The following C10orf53 variants were observed in gnomAD, a reference collection of about 807,000 sequenced individuals.
C10orf53 encodes the protein chromosome 10 open reading frame 53.
In C10orf53, 8 loss-of-function variants were observed where a neutral mutation model predicts 9.4. The ratio of observed to expected loss-of-function variants is 0.85; its 90% CI spans 0.50 to 1.53. The LOEUF is 1.53. Ranked by LOEUF, C10orf53 falls within the 40% of genes most tolerant of loss-of-function variation. The pLI is 0.00. For synonymous variants in C10orf53, 48 were observed against 46.0 expected, an observed-to-expected ratio of 1.04 and a Z score of -0.18; for missense variants, 117 against 117.8, an observed-to-expected ratio of 0.99 and a Z score of 0.03.
chr10:49,688,946 C>T (rs899272514), intron 1 of C10orf53, among the ~76,000 whole-genome samples: 2 of 152,176 alleles, frequency 1.3e-5, no homozygotes, highest in East Asian at 1.9e-4. Context: ...TACCTCAGCA[C>T]GCACTCACCT....
At chr10:49,697,556 A>C (rs142179599), downstream of C10orf53, among the ~76,000 whole-genome samples, 322 of 152,272 alleles carry the variant, frequency 2.1e-3, 1 homozygote, top group Non-Finnish European at 3.9e-3. Flanking sequence ...GCTGTGTCTT[A>C]ATTTTTTTTG....
chr10:49,708,771 C>A, exon 3 of C10orf53: 1 of 1,127,412 alleles, frequency 8.9e-7, no homozygotes, highest in East Asian at 2.5e-5. Context: ...CCACAGGCAA[C>A]CTGTGGCAAA....
At chr10:49,694,387 C>A in intron 2 of C10orf53, 151 bp from the exon 3 acceptor site, 1 of 1,081,644 alleles carries the variant, frequency 9.2e-7, no homozygotes, top group Non-Finnish European at 1.3e-6. Flanking sequence ...TAAAGCTTTG[C>A]AATCCACTAA....
At chr10:49,694,075 C>G in intron 2 of C10orf53, 182 bp downstream of exon 2, 1 of 775,994 alleles carries the variant, frequency 1.3e-6, no homozygotes, top group South Asian at 1.9e-5. Context: ...CAAAACCACA[C>G]AGTAAAGTGT....
intron 1 of C10orf53, among the ~76,000 whole-genome samples, chr10:49,682,805 G>C (rs1840492765): frequency 6.6e-6 from 1 of 152,166 alleles, no homozygotes; most frequent in Non-Finnish European, 1.5e-5. Flanking sequence ...CAGAAGCCCA[G>C]CTGGCTTCAC....
At chr10:49,680,605 G>C (rs552167255) in intron 1 of C10orf53, among the ~76,000 whole-genome samples, 1 of 152,346 alleles carries the variant, frequency 6.6e-6, no homozygotes, top group South Asian at 2.1e-4. Flanking sequence ...CCGCAGATAA[G>C]TTTTAGGCAG....
At chr10:49,686,719 G>C (rs1840532590) in intron 1 of C10orf53, among the ~76,000 whole-genome samples, 1 of 152,198 alleles carries the variant, frequency 6.6e-6, no homozygotes, top group African/African-American at 2.4e-5. Flanking sequence ...AGAAATTCCA[G>C]CCTGGTAAAT....
exon 3 of C10orf53, chr10:49,708,820 G>C: frequency 1.5e-6 from 1 of 689,034 alleles, no homozygotes; most frequent in Non-Finnish European, 2.4e-6. Context: ...CTCTACAACT[G>C]TATTCCCGTG....
At chr10:49,691,742 AG>A (rs1464780556) in intron 1 of C10orf53, among the ~76,000 whole-genome samples, 3 of 152,208 alleles carry the variant, frequency 2.0e-5, no homozygotes, top group African/African-American at 7.2e-5. Context: ...AGGCTCAGTC[AG>A]CAGGCCCTGC....
At chr10:49,699,388 A>T (rs1258322), downstream of C10orf53, among the ~76,000 whole-genome samples, 1 of 151,278 alleles carries the variant, frequency 6.6e-6, no homozygotes, top group South Asian at 2.1e-4. Context: ...TAGAGATGGC[A>T]TCTCCTATGT....
chr10:49,680,387 C>T (rs1195202592), intron 1 of C10orf53, among the ~76,000 whole-genome samples: 2 of 152,180 alleles, frequency 1.3e-5, no homozygotes, highest in Non-Finnish European at 2.9e-5. Flanking sequence ...TGGAAAGGCT[C>T]ATTTAAGTGG....
chr10:49,694,051 C>T (rs1840611337), intron 2 of C10orf53, 158 bp downstream of exon 2: 4 of 972,360 alleles, frequency 4.1e-6, no homozygotes, highest in Non-Finnish European at 6.1e-6. Flanking sequence ...CAGTGGCACA[C>T]ACAGGAGAGT....
chr10:49,706,409 G>T (rs1239884886), intron 2 of C10orf53, among the ~76,000 whole-genome samples: 4 of 152,128 alleles, frequency 2.6e-5, no homozygotes, highest in African/African-American at 9.7e-5. Flanking sequence ...CCATAAAAAG[G>T]AATGAAGTTC....
rs189323204 is a variant in C10orf53 at position 49,694,288 on chromosome 10, C to G, written c.218-250C>G. 2.9e-4 allele frequency: 174 copies of G among 600,560 alleles called. No homozygotes were observed. The African/African-American group carries it at 3.1e-3, about 11-fold the overall frequency. 37.2% of individuals were successfully genotyped at this position (600,560 alleles called of 1,614,324 possible). On this transcript the variant is annotated intron_variant, in intron 2 of 2. Coordinates refer to ENST00000374111, the MANE Select transcript of C10orf53 (RefSeq NM_001042427.3). ...TTGCTAAGACACTGAGTTGATATGC[C>G]AGCAGTGCATGACACTATCAGCAAC...
chr10:49,706,913 A>C (rs1840726000), intron 2 of C10orf53, among the ~76,000 whole-genome samples: 1 of 152,242 alleles, frequency 6.6e-6, no homozygotes, highest in South Asian at 2.1e-4. Flanking sequence ...TCATTTGCAC[A>C]AGCAAAAATA....
In C10orf53 at chr10:49,679,696, C is replaced by A; in HGVS notation, c.-2C>A. 6.5e-7 allele frequency: 1 copy of A among 1,545,712 alleles called. No individual in the cohort carries two copies. The highest frequency in any genetic ancestry group is 8.7e-7 in the Non-Finnish European group (1 of 1,144,934). On this transcript the variant is annotated 5_prime_UTR_variant, in exon 1 of 3. Transcript: ENST00000374111. Reference sequence around the variant, plus strand: ...TGCCTCTGCGGCGGCGGAGGCCTGGCGATGCCCAAGAACGCAGTGGTCATC... The same window carrying A: ...TGCCTCTGCGGCGGCGGAGGCCTGGAGATGCCCAAGAACGCAGTGGTCATC...
chr10:49,690,973 A>G (rs769410338), intron 1 of C10orf53, among the ~76,000 whole-genome samples: 6 of 152,170 alleles, frequency 3.9e-5, no homozygotes, highest in Non-Finnish European at 8.8e-5. Flanking sequence ...CCTTTCGTTT[A>G]TTTAGATCCC....
chr10:49,693,815 A>T lies in C10orf53; in HGVS notation c.139A>T (p.Ile47Leu). ...TGGACATGAGGTCATCCTAGAGAAGATAGAAGACTGGAATGTGGTGGAACT... is the reference window on the plus strand; with the variant it reads ...TGGACATGAGGTCATCCTAGAGAAGTTAGAAGACTGGAATGTGGTGGAACT... ...IDGHEVILEK[I>L]EDWNVVELMV... The change falls in exon 2 of 3, where the codon ATA becomes TTA. Residue 47 changes from isoleucine (I) to leucine (L), a missense_variant. Transcript: ENST00000374111. The T allele has an allele frequency of 1.2e-6, 2 of 1,613,966 alleles. No individual in the cohort carries two copies. Among genetic ancestry groups the T allele is most frequent in the Non-Finnish European group, 8.5e-7 (1 of 1,179,784 alleles).
Position 49,694,989 on chromosome 10 carries a change from G to A in C10orf53, c.*387G>A, listed in dbSNP as rs1153799. 0.9 allele frequency: 878,360 copies of A among 973,428 alleles called. 400,349 individuals are homozygous for A. Among genetic ancestry groups the A allele is most frequent in the Non-Finnish European group, 0.93 (760,691 of 815,636 alleles). 60.3% of individuals were successfully genotyped at this position (973,428 alleles called of 1,614,324 possible). On this transcript the variant is annotated 3_prime_UTR_variant, in exon 3 of 3. Coordinates refer to ENST00000374111, the MANE Select transcript of C10orf53 (RefSeq NM_001042427.3). ...AGTACTCAAAGTGCTCAGAACAGGT[G>A]AAATTAAAGAGAGGTTGGGGGAAGA...
Sources: gnomAD v4.1 joint callset for allele counts (sites outside exome capture counted in the v4.1 genomes callset) on GRCh38, gnomAD v4.1.1 for gene constraint, MANE v1.5 for transcripts, NCBI Gene and HGNC (gene_info 2026-07-23, HGNC 2026-07-21) for gene names.